Variants in ASAP1 observed in about 807,000 individuals in gnomAD.
ASAP1 encodes arf-GAP with SH3 domain, ANK repeat and PH domain-containing protein 1.
Under a neutral mutation model 145.2 loss-of-function variants are expected in ASAP1, and 43 were observed. The observed-to-expected ratio is 0.30, with a 90% CI of 0.23 to 0.38. The LOEUF is 0.38. Among genes scored for constraint, ASAP1 ranks in the 10% least tolerant of loss-of-function variants. ASAP1 has a pLI of 1.00. For missense variants in ASAP1, 1,018 were observed against 1,355.3 expected (o/e 0.75, Z 3.91); for synonymous variants, 546 against 515.5 (o/e 1.06, Z -0.80).
At chr8:130,403,404 C>T (rs1828884049) in intron 1 of ASAP1, among the ~76,000 whole-genome samples, 2 of 152,086 alleles carry the variant, frequency 1.3e-5, no homozygotes. Context: ...CAACTCTCCA[C>T]CACTAGCTTA....
At chr8:130,345,132 G>A (rs752466357) in intron 3 of ASAP1, among the ~76,000 whole-genome samples, 3 of 152,108 alleles carry the variant, frequency 2.0e-5, no homozygotes, top group Non-Finnish European at 4.4e-5. Context: ...TGGCTTTGTT[G>A]CCTAACAAAG....
intron 2 of ASAP1, among the ~76,000 whole-genome samples, chr8:130,382,336 T>A (rs566954961): frequency 1.6e-4 from 24 of 150,946 alleles, no homozygotes; most frequent in African/African-American, 5.6e-4. Flanking sequence ...CCTTGTTCAT[T>A]AATATTATTT....
intron 18 of ASAP1, among the ~76,000 whole-genome samples, chr8:130,122,212 T>C (rs566906467): frequency 3.3e-5 from 5 of 152,342 alleles, no homozygotes; most frequent in South Asian, 2.1e-4. Flanking sequence ...CAATGTGTAA[T>C]TGTATGACTG....
chr8:130,224,582 C>G (rs1364036482), intron 4 of ASAP1, among the ~76,000 whole-genome samples: 1 of 152,010 alleles, frequency 6.6e-6, no homozygotes, highest in African/African-American at 2.4e-5. Flanking sequence ...GGTGTTTTCA[C>G]CCCTTTCTCC....
At chr8:130,167,675 A>G (rs2097682764) in intron 10 of ASAP1, 53 bp from the exon 11 acceptor site, 9 of 1,332,654 alleles carry the variant, frequency 6.8e-6, no homozygotes, top group Non-Finnish European at 8.5e-6. Flanking sequence ...TCACAGGCAG[A>G]GTTTAATTTA....
At position 130,389,201 on chromosome 8, in the gene ASAP1, A is replaced by G. The variant is rs190959536; in HGVS notation, c.59+12684T>C. The stretch of plus-strand genomic sequence containing the variant: ...GTTTTACATGTATTGTCTCAGGTAG[A>G]AGCTACTGTTATACCCATTTTGCAG... On this transcript the variant is annotated intron_variant, in intron 2 of 29. Coordinates refer to ENST00000518721, the MANE Select transcript of ASAP1 (RefSeq NM_018482.4). Among the ~76,000 whole-genome samples the G allele has an allele frequency of 4.8e-3, 727 of 152,292 alleles. 11 individuals carry two copies. The highest frequency in any genetic ancestry group is 0.035 in the Admixed American group (529 of 15,298).
intron 29 of ASAP1, among the ~76,000 whole-genome samples, chr8:130,057,592 G>A (rs2097407014): frequency 6.6e-6 from 1 of 152,122 alleles, no homozygotes; most frequent in Non-Finnish European, 1.5e-5. Context: ...GGGACTACAG[G>A]TGCGTGCCAC....
intron 24 of ASAP1, among the ~76,000 whole-genome samples, chr8:130,103,356 A>T (rs1359346223): frequency 1.3e-5 from 2 of 151,718 alleles, no homozygotes; most frequent in Non-Finnish European, 2.9e-5. Context: ...AAAACACAAC[A>T]CTTGCTGCTT....
intron 27 of ASAP1, among the ~76,000 whole-genome samples, chr8:130,064,275 G>A (rs1171647378): frequency 6.6e-6 from 1 of 152,150 alleles, no homozygotes; most frequent in East Asian, 1.9e-4. Context: ...CAACGGTGGA[G>A]ATGATGAGAA....
chr8:130,230,102 AAAC>A (rs1269927111), intron 4 of ASAP1, among the ~76,000 whole-genome samples: 1 of 151,252 alleles, frequency 6.6e-6, no homozygotes, highest in African/African-American at 2.4e-5. Flanking sequence ...ACAAACAAAC[AAAC>A]ACCAACCCCA....
At chr8:130,357,583 C>T (rs1317528135) in intron 3 of ASAP1, among the ~76,000 whole-genome samples, 2 of 152,236 alleles carry the variant, frequency 1.3e-5, no homozygotes, top group Non-Finnish European at 2.9e-5. Context: ...CCAGTCGGGC[C>T]GCTGAGGGGT....
chr8:130,400,918 A>AC (rs1287479342), intron 2 of ASAP1, among the ~76,000 whole-genome samples: 1 of 151,930 alleles, frequency 6.6e-6, no homozygotes, highest in African/African-American at 2.4e-5. Context: ...CTCATTCTTG[A>AC]CCCCCAGGCT....
intron 1 of ASAP1, among the ~76,000 whole-genome samples, chr8:130,432,445 T>C (rs1371684109): frequency 6.6e-6 from 1 of 152,158 alleles, no homozygotes; most frequent in Non-Finnish European, 1.5e-5. Context: ...GGCTAAAGCC[T>C]AGGGTGAATG....
chr8:130,421,182 G>T (rs1250466070), intron 1 of ASAP1, among the ~76,000 whole-genome samples: 1 of 152,104 alleles, frequency 6.6e-6, no homozygotes, highest in Admixed American at 6.5e-5. Flanking sequence ...GCATACGCTG[G>T]GTGCATAACA....
chr8:130,379,888 C>T (rs1229708355), intron 2 of ASAP1, among the ~76,000 whole-genome samples: 1 of 152,160 alleles, frequency 6.6e-6, no homozygotes. Flanking sequence ...ACCAGCCAGA[C>T]ACCACGCCCT....
chr8:130,288,914 C>T (rs1219832177), intron 3 of ASAP1, among the ~76,000 whole-genome samples: 8 of 152,172 alleles, frequency 5.3e-5, no homozygotes, highest in Non-Finnish European at 8.8e-5. Flanking sequence ...AGGCTGGGCG[C>T]GGTGGCTCAT....
At chr8:130,294,823 G>A (rs1442317619) in intron 3 of ASAP1, among the ~76,000 whole-genome samples, 2 of 152,198 alleles carry the variant, frequency 1.3e-5, no homozygotes, top group East Asian at 3.8e-4. Flanking sequence ...TGACTCTTTG[G>A]TTTAACTTGG....
At chr8:130,297,254 A>T (rs187447123) in intron 3 of ASAP1, among the ~76,000 whole-genome samples, 1 of 152,264 alleles carries the variant, frequency 6.6e-6, no homozygotes, top group Non-Finnish European at 1.5e-5. Flanking sequence ...GTCTCCCCCC[A>T]TGCATCAAAA....
chr8:130,161,578 G>A (rs1364093579), intron 11 of ASAP1, among the ~76,000 whole-genome samples: 2 of 152,110 alleles, frequency 1.3e-5, no homozygotes, highest in Non-Finnish European at 2.9e-5. Flanking sequence ...AGGTAACTGG[G>A]AGCTTACTGT....
Sources: allele counts gnomAD v4.1 joint callset (sites outside exome capture counted in the v4.1 genomes callset), GRCh38; gene constraint gnomAD v4.1.1; transcripts MANE v1.5; gene names NCBI Gene and HGNC (gene_info 2026-07-23, HGNC 2026-07-21).